Variants in SAP130 observed in about 807,000 individuals in gnomAD.
SAP130 encodes the protein Sin3A associated protein 130, also known as histone deacetylase complex subunit SAP130.
In SAP130, 16 loss-of-function variants were observed where a neutral mutation model predicts 103.2. The ratio of observed to expected loss-of-function variants is 0.16; its 90% CI spans 0.10 to 0.24. The LOEUF (loss-of-function observed/expected upper bound fraction) is 0.24, where lower values mean the gene tolerates loss of function less well. SAP130 is among the 10% of genes least tolerant of loss of function. SAP130 has a pLI of 1.00. For missense variants in SAP130, 990 were observed against 1,359.7 expected (o/e 0.73, Z 4.28); for synonymous variants, 477 against 497.0 (o/e 0.96, Z 0.53).
chr2:127,952,088 G>A (rs1559033717), intron 16 of SAP130, among the ~76,000 whole-genome samples: 1 of 152,076 alleles, frequency 6.6e-6, no homozygotes. Flanking sequence ...ACTTTCTCCT[G>A]CATCATCAAT....
intron 6 of SAP130, among the ~76,000 whole-genome samples, chr2:128,011,641 T>C (rs994056230): frequency 6.6e-6 from 1 of 152,204 alleles, no homozygotes; most frequent in African/African-American, 2.4e-5. Context: ...GACTCTGTTT[T>C]CTTGGCCAGA....
chr2:127,945,446 C>G lies in SAP130; in HGVS notation c.2901+10G>C, dbSNP rs372688013. The G allele has an allele frequency of 1.1e-5, 17 of 1,531,744 alleles. No individual in the cohort carries two copies. Among genetic ancestry groups the G allele is most frequent in the Non-Finnish European group, 1.5e-5 (17 of 1,104,922 alleles). 94.9% of individuals were successfully genotyped at this position (1,531,744 alleles called of 1,614,324 possible). A position where few individuals can be genotyped will look rare whatever the true frequency, so the allele number is the denominator to read the frequency against. On this transcript the variant is annotated intron_variant, in intron 19 of 20. Transcript: ENST00000643581. The stretch of plus-strand genomic sequence containing the variant: ...TCAGCATGATGAACAACTGCTAGAA[C>G]TCCACCTACCAGCTGTAGTAACTGG...
In SAP130 at chr2:128,022,102, CA is replaced by C. The variant is rs1685201000; in HGVS notation, c.112+4078del. On this transcript the variant is annotated intron_variant, in intron 2 of 20. Coordinates refer to ENST00000643581, the MANE Select transcript of SAP130 (RefSeq NM_001330301.2). ...CAGTGAGTTCATTCACACCCCTTTG[CA>C]GTCAATTCCCTCCCCACAACCTCTA... Among the ~76,000 whole-genome samples the C allele has an allele frequency of 2.6e-5, 4 of 152,336 alleles. No individual in the cohort carries two copies. The South Asian group carries it at 8.3e-4, about 32-fold the overall frequency.
In SAP130 at chr2:127,953,177, C is replaced by A. The variant is rs1679606946; in HGVS notation, c.2422+1809G>T. Among the ~76,000 whole-genome samples, 1 of 152,216 alleles carries A rather than the reference C, an allele frequency of 6.6e-6. No individual in the cohort carries two copies. Among genetic ancestry groups the A allele is most frequent in the South Asian group, 2.1e-4 (1 of 4,830 alleles). On this transcript the variant is annotated intron_variant, in intron 16 of 20. Transcript: ENST00000643581. This position sits in a 1 kb window ranked among gnomAD's most constrained non-coding sequence, Gnocchi z 4.0. Reference sequence around the variant, plus strand: ...TTTCCTAATTCAGCCAATGGCAACTCTATGGCTTCCAGTTGCTAAGGCCAA... The same window carrying A: ...TTTCCTAATTCAGCCAATGGCAACTATATGGCTTCCAGTTGCTAAGGCCAA...
chr2:128,015,403 A>T (rs1375009634), intron 4 of SAP130, among the ~76,000 whole-genome samples: 1 of 152,108 alleles, frequency 6.6e-6, no homozygotes, highest in African/African-American at 2.4e-5. Context: ...CAAACCACAG[A>T]GTTCAGGGCT....
At chr2:127,985,635 G>A (rs1460813726) in intron 14 of SAP130, among the ~76,000 whole-genome samples, 1 of 152,106 alleles carries the variant, frequency 6.6e-6, no homozygotes, top group Non-Finnish European at 1.5e-5. Flanking sequence ...TGACATAGAA[G>A]GGGAGTAGGG....
chr2:127,987,440 C>G (rs1203890837), intron 13 of SAP130, among the ~76,000 whole-genome samples: 1 of 152,138 alleles, frequency 6.6e-6, no homozygotes, highest in Non-Finnish European at 1.5e-5. Context: ...CCTGCCTTGG[C>G]CTCCCAAAGT....
At chr2:128,020,421 C>T (rs1358138679) in intron 2 of SAP130, among the ~76,000 whole-genome samples, 1 of 152,176 alleles carries the variant, frequency 6.6e-6, no homozygotes, top group African/African-American at 2.4e-5. Flanking sequence ...ACAAATACAC[C>T]CTATTGTGCT....
At chr2:128,011,308 G>A (rs1024097274) in intron 6 of SAP130, among the ~76,000 whole-genome samples, 21 of 152,278 alleles carry the variant, frequency 1.4e-4, no homozygotes, top group Admixed American at 5.9e-4. Flanking sequence ...TCACACTTAC[G>A]TGTGAAATCT....
At chr2:127,980,266 TC>T (rs1681769219) in intron 14 of SAP130, among the ~76,000 whole-genome samples, 1 of 151,824 alleles carries the variant, frequency 6.6e-6, no homozygotes, top group African/African-American at 2.4e-5. Context: ...CTGCCAACCC[TC>T]CCACCCCCAA....
chr2:127,976,006 G>A (rs557511429), intron 15 of SAP130, among the ~76,000 whole-genome samples: 1 of 152,194 alleles, frequency 6.6e-6, no homozygotes, highest in South Asian at 2.1e-4. Context: ...CACCATGCCC[G>A]GCTAATTTTT....
chr2:127,952,873 T>A (rs1033748722), intron 16 of SAP130, among the ~76,000 whole-genome samples: 1 of 152,170 alleles, frequency 6.6e-6, no homozygotes, highest in Non-Finnish European at 1.5e-5. Flanking sequence ...AACACCATCC[T>A]AAGACTAGAT....
In SAP130 at chr2:127,977,335, C is replaced by CAA. The variant is rs36038328; in HGVS notation, c.2063+648_2063+649dup. Among the ~76,000 whole-genome samples, 1,080 of 111,660 alleles carry CAA rather than the reference C, an allele frequency of 9.7e-3. 24 individuals carry two copies. Among genetic ancestry groups the CAA allele is most frequent in the African/African-American group, 0.022 (624 of 27,770 alleles). 73.3% of individuals were successfully genotyped at this position (111,660 alleles called of 152,430 possible). On this transcript the variant is annotated intron_variant, in intron 15 of 20. Coordinates refer to ENST00000643581, the MANE Select transcript of SAP130 (RefSeq NM_001330301.2). ...CGAAATCCTGACTCTACTTAAAATA[C>CAA]AAAAAAAAAAAAAAAAAAGCCAGGT...
In SAP130 at chr2:127,942,265, C is replaced by T. The variant is rs1416362689; in HGVS notation, c.3016-101G>A. ...GGCAGAGGCCATGTTGAGGCTTCCA[C>T]AACAGAGAAAATGTCTTTTTGTTTC... On this transcript the variant is annotated intron_variant, in intron 20 of 20. Transcript: ENST00000643581. This position sits in a 1 kb window ranked among gnomAD's most constrained non-coding sequence, Gnocchi z 4.8. The T allele has an allele frequency of 3.3e-6, 4 of 1,209,256 alleles. No homozygotes were observed. In the African/African-American group the frequency reaches 4.5e-5, roughly 14 times the overall value. 74.9% of individuals were successfully genotyped at this position (1,209,256 alleles called of 1,614,324 possible). A position where few individuals can be genotyped will look rare whatever the true frequency, so the allele number is the denominator to read the frequency against.
chr2:127,942,618 A>G lies in SAP130; in HGVS notation c.2902-81T>C, dbSNP rs1678786767. The stretch of plus-strand genomic sequence containing the variant: ...CCCCAGGCAAATGAACCCACCTTCA[A>G]TCACCTTTGTAAACTGTCTAAGAGT... On this transcript the variant is annotated intron_variant, in intron 19 of 20. Transcript: ENST00000643581. This position sits in a 1 kb window ranked among gnomAD's most constrained non-coding sequence, Gnocchi z 4.8. The G allele has an allele frequency of 1.3e-6, 1 of 793,362 alleles. No individual in the cohort carries two copies. The highest frequency in any genetic ancestry group is 2.2e-6 in the Non-Finnish European group (1 of 453,618). 49.1% of individuals were successfully genotyped at this position (793,362 alleles called of 1,614,324 possible). A position where few individuals can be genotyped will look rare whatever the true frequency, so the allele number is the denominator to read the frequency against.
rs1682415873 is a variant in SAP130 at position 127,986,671 on chromosome 2, C to T, written c.1958+114G>A. On this transcript the variant is annotated intron_variant, in intron 14 of 20. Coordinates refer to ENST00000643581, the MANE Select transcript of SAP130 (RefSeq NM_001330301.2). This position sits in a 1 kb window ranked among gnomAD's most constrained non-coding sequence, Gnocchi z 4.7. ...AGTTGTTTTGGAGGAAATTTTAACA[C>T]ACCACAGAAAATGAGAGATGAGTTT... 1.7e-6 allele frequency: 2 copies of T among 1,197,042 alleles called. No homozygotes were observed. Among genetic ancestry groups the T allele is most frequent in the African/African-American group, 1.5e-5 (1 of 65,762 alleles). The allele number at this position is 1,197,042 out of a possible 1,614,324, so 74.2% of individuals were successfully genotyped here.
intron 7 of SAP130, among the ~76,000 whole-genome samples, chr2:128,008,342 C>T (rs181314520): frequency 8.5e-5 from 13 of 152,198 alleles, no homozygotes; most frequent in Admixed American, 6.5e-4. Flanking sequence ...CACACTTTAT[C>T]CCTGTATGGC....
intron 14 of SAP130, among the ~76,000 whole-genome samples, chr2:127,979,005 A>C (rs536251299): frequency 6.6e-6 from 1 of 152,332 alleles, no homozygotes; most frequent in South Asian, 2.1e-4. Flanking sequence ...ATGTGACCTT[A>C]CTTGAAAAAA....
At chr2:128,017,355 A>C (rs1370558012) in intron 3 of SAP130, among the ~76,000 whole-genome samples, 3 of 152,076 alleles carry the variant, frequency 2.0e-5, no homozygotes, top group African/African-American at 7.2e-5. Context: ...TAATGTCATT[A>C]AGCCCCCACT....
Sources: allele counts gnomAD v4.1 joint callset (sites outside exome capture counted in the v4.1 genomes callset), GRCh38; gene constraint gnomAD v4.1.1; non-coding constraint Gnocchi (gnomAD v3.1); transcripts MANE v1.5; gene names NCBI Gene and HGNC (gene_info 2026-07-23, HGNC 2026-07-21).